Variants in PIWIL1 observed in about 807,000 individuals in gnomAD.
PIWIL1 encodes piwi-like protein 1.
A neutral mutation model predicts 114.4 loss-of-function variants in PIWIL1; 73 were observed. The observed-to-expected ratio is 0.64, with a 90% CI of 0.53 to 0.78. The LOEUF is 0.78. Among genes scored for constraint, PIWIL1 ranks in the 30% least tolerant of loss-of-function variants. The pLI is 0.00. For synonymous variants in PIWIL1, 375 were observed against 369.0 expected (o/e 1.02, Z -0.19); for missense variants, 723 against 1,063.1 (o/e 0.68, Z 4.45).
chr12:130,393,267 G>T, the PIWIL1 span, among the ~76,000 whole-genome samples: 2 of 144,938 alleles, frequency 1.4e-5, no homozygotes, highest in Non-Finnish European at 3.0e-5. Context: ...TGATGACCCG[G>T]TCACCGTCAT....
chr12:130,399,839 G>A, the PIWIL1 span: 387 of 1,612,722 alleles, frequency 2.4e-4, no homozygotes, highest in African/African-American at 4.3e-3. Context: ...TGAGGCAGAA[G>A]AACTATTTAT....
intron 19 of PIWIL1, among the ~76,000 whole-genome samples, chr12:130,368,974 T>C (rs1190268946): frequency 6.6e-6 from 1 of 151,994 alleles, no homozygotes; most frequent in Non-Finnish European, 1.5e-5. Flanking sequence ...ACTGCACTTA[T>C]CAACCCATCA....
chr12:130,410,704 C>T, the PIWIL1 span, among the ~76,000 whole-genome samples: 11 of 152,122 alleles, frequency 7.2e-5, no homozygotes, highest in Admixed American at 2.6e-4. Flanking sequence ...TCATTCTGCC[C>T]CATTAATCTA....
chr12:130,356,966 G>A lies in PIWIL1; in HGVS notation c.1453G>A (p.Ala485Thr), dbSNP rs531921662. The change falls in exon 13 of 21, where the codon GCA (alanine) becomes ACA (threonine). Residue 485 changes from alanine (A) to threonine (T), a missense_variant. Ala to Thr is a moderately conservative substitution (Grantham distance 58, BLOSUM62 0). This residue lies in a region of PIWIL1 where 298 missense variants were observed against 420.8 expected (regional missense o/e 0.71). Transcript: ENST00000245255. ...FADWSKETRG[A>T]PLISVKPLDN... The stretch of plus-strand genomic sequence containing the variant: ...AGATTGGTCCAAAGAAACAAGAGGT[G>A]CACCATTAATTAGTGTTAAGCCACT... 4 of 1,613,030 alleles carry A rather than the reference G, an allele frequency of 2.5e-6. No homozygotes were observed. Among genetic ancestry groups the A allele is most frequent in the Non-Finnish European group, 1.7e-6 (2 of 1,179,380 alleles).
the PIWIL1 span, among the ~76,000 whole-genome samples, chr12:130,419,330 G>C: frequency 6.6e-6 from 1 of 152,188 alleles, no homozygotes; most frequent in Non-Finnish European, 1.5e-5. This position sits in a 1 kb window ranked among gnomAD's most constrained non-coding sequence, Gnocchi z 4.3. Flanking sequence ...GGAAGGGTGT[G>C]CATATCGTGT....
the PIWIL1 span, among the ~76,000 whole-genome samples, chr12:130,409,732 T>A: frequency 5.3e-5 from 8 of 152,190 alleles, no homozygotes; most frequent in African/African-American, 1.7e-4. Context: ...AGTGGCTCTG[T>A]TCCATTGCTG....
At chr12:130,387,757 T>C in the PIWIL1 span, among the ~76,000 whole-genome samples, 1 of 152,256 alleles carries the variant, frequency 6.6e-6, no homozygotes, top group African/African-American at 2.4e-5. Flanking sequence ...AAGTGGATGC[T>C]GTTGAAATTA....
At chr12:130,362,488 G>A (rs1196202378) in intron 16 of PIWIL1, among the ~76,000 whole-genome samples, 2 of 152,116 alleles carry the variant, frequency 1.3e-5, no homozygotes, top group African/African-American at 4.8e-5. Context: ...AGCGCCTCTG[G>A]GTATTATAGC....
At chr12:130,389,162 T>G in the PIWIL1 span, among the ~76,000 whole-genome samples, 1 of 152,274 alleles carries the variant, frequency 6.6e-6, no homozygotes. Flanking sequence ...TAAACTAACT[T>G]GGTTCTTTTT....
At chr12:130,413,808 CT>C in the PIWIL1 span, among the ~76,000 whole-genome samples, 1 of 152,100 alleles carries the variant, frequency 6.6e-6, no homozygotes, top group Non-Finnish European at 1.5e-5. Flanking sequence ...TGCCTGTCTG[CT>C]GACTGACAAG....
chr12:130,417,194 G>A, the PIWIL1 span, among the ~76,000 whole-genome samples: 1 of 152,168 alleles, frequency 6.6e-6, no homozygotes, highest in African/African-American at 2.4e-5. Flanking sequence ...AGATTTCTTG[G>A]AGAACTTAGA....
chr12:130,358,406 C>T (rs1207155700), intron 14 of PIWIL1, among the ~76,000 whole-genome samples: 1 of 152,190 alleles, frequency 6.6e-6, no homozygotes, highest in African/African-American at 2.4e-5. Flanking sequence ...CCTGGGTTCA[C>T]ATCCCGGCTC....
the PIWIL1 span, among the ~76,000 whole-genome samples, chr12:130,382,852 C>T: frequency 6.6e-6 from 1 of 152,112 alleles, no homozygotes; most frequent in Admixed American, 6.5e-5. Context: ...TACAGAAAGC[C>T]CAAGTTAAGT....
intron 19 of PIWIL1, 37 bp downstream of exon 19, chr12:130,367,295 C>A (rs1478392034): frequency 6.3e-7 from 1 of 1,580,650 alleles, no homozygotes; most frequent in Non-Finnish European, 8.6e-7. Context: ...TTGTTTTCTC[C>A]TTGGTGGTGG....
chr12:130,349,752 C>G lies in PIWIL1; in HGVS notation c.933-104C>G, dbSNP rs143289357. 269 of 680,888 alleles carry G rather than the reference C, an allele frequency of 4.0e-4. 1 individual carries two copies. The highest frequency in any genetic ancestry group is 3.8e-3 in the African/African-American group (211 of 55,494). The allele number at this position is 680,888 out of a possible 1,614,324, so 42.2% of individuals were successfully genotyped here. On this transcript the variant is annotated intron_variant, in intron 8 of 20. Coordinates refer to ENST00000245255, the MANE Select transcript of PIWIL1 (RefSeq NM_004764.5). ...TTCTTTTTCCAACCTTGTATATAAC[C>G]AGGTGATTTGAAATTTTAGAGAATA...
At chr12:130,341,175 G>A (rs566731702) in intron 1 of PIWIL1, among the ~76,000 whole-genome samples, 1 of 152,276 alleles carries the variant, frequency 6.6e-6, no homozygotes, top group South Asian at 2.1e-4. Flanking sequence ...CTGTCTGCAG[G>A]ACCCTGAGCA....
chr12:130,348,246 C>G, intron 7 of PIWIL1, 63 bp downstream of exon 7: 2 of 939,872 alleles, frequency 2.1e-6, no homozygotes, highest in South Asian at 1.6e-5. Context: ...GAGACGATAA[C>G]CTAATTTGAA....
chr12:130,354,801 T>G (rs1398911421), intron 10 of PIWIL1, 87 bp from the exon 11 acceptor site: 1 of 1,393,076 alleles, frequency 7.2e-7, no homozygotes, highest in Admixed American at 2.2e-5. Context: ...CTCCTGGGAA[T>G]TCCCACTCAC....
In PIWIL1 at chr12:130,363,033, G is replaced by T; in HGVS notation, c.2084G>T (p.Ser695Ile). Residue 695 changes from serine to isoleucine, a missense_variant, in exon 18 of 21, where the codon AGC becomes ATC. Around this residue, in one of 8 missense-constraint regions of PIWIL1, gnomAD observed 31 missense variants for 30.2 expected, o/e 1.03. Transcript: ENST00000245255. ...AATAGCTGCAATGAGTACATGCCCAGCCGGATCATCGTGTACCGCGATGGC... is the reference window on the plus strand; with the variant it reads ...AATAGCTGCAATGAGTACATGCCCATCCGGATCATCGTGTACCGCGATGGC... ...AWNSCNEYMPSRIIVYRDGVG... is the reference protein window; with the variant it reads ...AWNSCNEYMPIRIIVYRDGVG... 6.2e-7 allele frequency: 1 copy of T among 1,614,226 alleles called. No homozygotes were observed. The highest frequency in any genetic ancestry group is 1.1e-5 in the South Asian group (1 of 91,092).
Sources: gnomAD v4.1 joint callset for allele counts (sites outside exome capture counted in the v4.1 genomes callset) on GRCh38, gnomAD v4.1.1 for gene constraint, gnomAD v4.1.1 regional missense constraint, Gnocchi (gnomAD v3.1) non-coding constraint, MANE v1.5 for transcripts, NCBI Gene and HGNC (gene_info 2026-07-23, HGNC 2026-07-21) for gene names.